SNX27: variants seen among roughly 807,000 people sequenced by gnomAD.
SNX27 encodes the protein sorting nexin-27.
In SNX27, 22 loss-of-function variants were observed where a neutral mutation model predicts 71.6. The ratio of observed to expected loss-of-function variants is 0.31; its 90% CI spans 0.22 to 0.44. The LOEUF is 0.44. Among genes scored for constraint, SNX27 ranks in the 20% least tolerant of loss-of-function variants. The pLI is 1.00. For synonymous variants in SNX27, 269 were observed against 277.2 expected, an observed-to-expected ratio of 0.97 and a Z score of 0.29; for missense variants, 531 against 698.6, an observed-to-expected ratio of 0.76 and a Z score of 2.70.
chr1:151,637,546 G>A (rs1668525010), intron 1 of SNX27, among the ~76,000 whole-genome samples: 1 of 152,078 alleles, frequency 6.6e-6, no homozygotes, highest in African/African-American at 2.4e-5. Flanking sequence ...TCAGTGAAAG[G>A]GGCTCTTTAT....
intron 2 of SNX27, among the ~76,000 whole-genome samples, chr1:151,656,159 C>G (rs1009170504): frequency 5.6e-5 from 8 of 141,920 alleles, no homozygotes; most frequent in Non-Finnish European, 1.2e-4. Flanking sequence ...GGGGGCGGAG[C>G]TTGCAGTGAG....
At chr1:151,630,997 A>C (rs1668205631) in intron 1 of SNX27, among the ~76,000 whole-genome samples, 1 of 152,206 alleles carries the variant, frequency 6.6e-6, no homozygotes. Flanking sequence ...GTGCCACTGC[A>C]CTCTAGCCTG....
At position 151,658,346 on chromosome 1, in the gene SNX27, C is replaced by G; in HGVS notation, c.655C>G (p.Leu219Val). The G allele has an allele frequency of 6.2e-7, 1 of 1,614,192 alleles. No homozygotes were observed. Among genetic ancestry groups the G allele is most frequent in the Non-Finnish European group, 8.5e-7 (1 of 1,180,038 alleles). Reference protein sequence around the residue: ...REFANFTFPRLPGKWPFSLSE... With the variant: ...REFANFTFPRVPGKWPFSLSE... The stretch of plus-strand genomic sequence containing the variant: ...GTTTGCCAACTTTACATTTCCTCGA[C>G]TCCCAGGGAAGTGGCCATTTTCATT... Residue 219 changes from leucine (L) to valine (V), a missense_variant, in exon 3 of 12, where the codon CTC becomes GTC. Leu to Val is a conservative substitution (Grantham distance 32). Coordinates refer to ENST00000458013, the MANE Select transcript of SNX27 (RefSeq NM_001330723.2).
intron 7 of SNX27, among the ~76,000 whole-genome samples, chr1:151,674,135 T>G (rs1670561757): frequency 6.6e-6 from 1 of 152,188 alleles, no homozygotes. Context: ...TTCCTTCCTG[T>G]CTTCCTTTTA....
chr1:151,670,177 A>G (rs1041036125), intron 7 of SNX27, among the ~76,000 whole-genome samples: 2 of 152,206 alleles, frequency 1.3e-5, no homozygotes, highest in African/African-American at 4.8e-5. Context: ...TATTTCACTT[A>G]ACATAGTGAC....
chr1:151,650,178 G>A (rs1463154816), intron 2 of SNX27, among the ~76,000 whole-genome samples: 3 of 152,124 alleles, frequency 2.0e-5, no homozygotes, highest in East Asian at 1.9e-4. Flanking sequence ...GTCGGCCACC[G>A]CACCTGGCCA....
intron 10 of SNX27, 74 bp from the exon 11 acceptor site, chr1:151,693,350 A>T (rs1671546248): frequency 1.4e-6 from 2 of 1,393,278 alleles, no homozygotes; most frequent in South Asian, 2.3e-5. Context: ...ATGACTGGGG[A>T]CAGGAGTTCA....
chr1:151,632,895 G>A (rs1411876897), intron 1 of SNX27, among the ~76,000 whole-genome samples: 1 of 149,692 alleles, frequency 6.7e-6, no homozygotes, highest in Non-Finnish European at 1.5e-5. Flanking sequence ...TTTTTGAGAC[G>A]GAGTCTGGCT....
chr1:151,624,231 G>A lies in SNX27; in HGVS notation c.311+11719G>A, dbSNP rs370400093. ...TCCTCCTGCCTTGGCCTCCCAAAGT[G>A]TTGGGATTACAGGAGTGAGCCACCT... is the stretch of plus-strand genomic sequence containing the variant. On this transcript the variant is annotated intron_variant, in intron 1 of 11. Transcript: ENST00000458013. Among the ~76,000 whole-genome samples, 43 of 152,090 alleles carry A rather than the reference G, an allele frequency of 2.8e-4. 2 individuals are homozygous for A. In the South Asian group the frequency reaches 8.9e-3, roughly 32 times the overall value.
At chr1:151,677,748 T>C (rs893208968) in intron 7 of SNX27, 1 of 152,060 alleles carries the variant, frequency 6.6e-6, no homozygotes, top group Non-Finnish European at 1.5e-5. Context: ...GGGCAGAGCA[T>C]GTGAAATTGC....
In SNX27 at chr1:151,697,536, C is replaced by G. The variant is rs1216409498; in HGVS notation, c.*3119C>G. On this transcript the variant is annotated 3_prime_UTR_variant, in exon 12 of 12. Transcript: ENST00000458013. ...CCAGTAACAACGCACCCAGCTGCAGCAAGGAGGTGGGGAAGGAGGGCACCC... is the reference window on the plus strand; with the variant it reads ...CCAGTAACAACGCACCCAGCTGCAGGAAGGAGGTGGGGAAGGAGGGCACCC... 2 of 152,770 alleles carry G rather than the reference C, an allele frequency of 1.3e-5. No individual in the cohort carries two copies. The highest frequency in any genetic ancestry group is 4.8e-5 in the African/African-American group (2 of 41,434). The allele number at this position is 152,770 out of a possible 1,614,324, so 9.5% of individuals were successfully genotyped here.
chr1:151,658,111 G>T, intron 2 of SNX27, 124 bp from the exon 3 acceptor site: 1 of 819,074 alleles, frequency 1.2e-6, no homozygotes, highest in Non-Finnish European at 1.9e-6. Flanking sequence ...AAGTGAGCTT[G>T]AATATAGTCT....
chr1:151,692,432 T>TTTTAAAA lies in SNX27; in HGVS notation c.1240-3_1240-2insTTTAAAA. 1 of 1,452,070 alleles carries TTTTAAAA rather than the reference T, an allele frequency of 6.9e-7. No homozygotes were observed. The highest frequency in any genetic ancestry group is 9.1e-7 in the Non-Finnish European group (1 of 1,101,930). The allele number at this position is 1,452,070 out of a possible 1,614,324, so 89.9% of individuals were successfully genotyped here. ...TTTTTTTTTTTTTTTTTTTTTTTTT[T>TTTTAAAA]AGTACCTCAACATGCTAAGGACTTG... is the stretch of plus-strand genomic sequence containing the variant. On this transcript the variant is annotated splice_polypyrimidine_tract_variant and splice_region_variant and intron_variant, in intron 8 of 11. Transcript: ENST00000458013.
At chr1:151,681,694 A>T (rs915850595) in intron 7 of SNX27, among the ~76,000 whole-genome samples, 2 of 151,994 alleles carry the variant, frequency 1.3e-5, no homozygotes, top group African/African-American at 4.8e-5. Flanking sequence ...AACACAAATC[A>T]AACTTTCTTT....
intron 8 of SNX27, among the ~76,000 whole-genome samples, chr1:151,688,790 A>G (rs1008271986): frequency 6.6e-5 from 10 of 152,088 alleles, no homozygotes; most frequent in Non-Finnish European, 1.5e-4. Flanking sequence ...TCACCCAGGT[A>G]GTAAGCATGA....
At chr1:151,641,633 T>TATATC (rs1668742587) in intron 2 of SNX27, among the ~76,000 whole-genome samples, 1 of 85,002 alleles carries the variant, frequency 1.2e-5, no homozygotes, top group Non-Finnish European at 2.6e-5. Context: ...ATATATATCA[T>TATATC]ATGTATCATA....
intron 8 of SNX27, among the ~76,000 whole-genome samples, chr1:151,686,890 T>C (rs1308156): frequency 0.063 from 9,653 of 152,318 alleles, 849 homozygotes; most frequent in East Asian, 0.34. Context: ...AGCTATTAAG[T>C]AGAATCTTGA....
At chr1:151,687,361 A>G (rs750144865) in intron 8 of SNX27, among the ~76,000 whole-genome samples, 59 of 152,324 alleles carry the variant, frequency 3.9e-4, no homozygotes, top group Non-Finnish European at 2.6e-4. Context: ...CTTAAAATGC[A>G]GATTTCTAGA....
At chr1:151,672,157 A>G (rs1459510635) in intron 7 of SNX27, among the ~76,000 whole-genome samples, 3 of 152,066 alleles carry the variant, frequency 2.0e-5, no homozygotes, top group African/African-American at 4.8e-5. Flanking sequence ...AGCTTTTATT[A>G]TGTTGAGGTT....
Sources: allele counts gnomAD v4.1 joint callset (sites outside exome capture counted in the v4.1 genomes callset), GRCh38; gene constraint gnomAD v4.1.1; transcripts MANE v1.5; gene names NCBI Gene and HGNC (gene_info 2026-07-23, HGNC 2026-07-21).